The following ZDHHC11B variants were observed in gnomAD, a reference collection of about 807,000 sequenced individuals.
The protein encoded by ZDHHC11B is probable palmitoyltransferase ZDHHC11B.
ZDHHC11B carries 17 observed loss-of-function variants against 42.3 expected under a neutral mutation model. That is an observed-to-expected ratio of 0.40 (90% CI 0.27 to 0.60). The LOEUF (loss-of-function observed/expected upper bound fraction) is 0.60. ZDHHC11B is among the 20% of genes least tolerant of loss of function. The pLI, the probability that ZDHHC11B is intolerant of heterozygous loss-of-function variation, is 0.41. For synonymous variants in ZDHHC11B, 123 were observed against 193.5 expected, an observed-to-expected ratio of 0.64 and a Z score of 3.02; for missense variants, 262 against 463.2, an observed-to-expected ratio of 0.57 and a Z score of 3.99.
chr5:734,287 A>G (rs1462110774), intron 10 of ZDHHC11B, among the ~76,000 whole-genome samples: 1 of 119,780 alleles, frequency 8.3e-6, no homozygotes, highest in Non-Finnish European at 1.7e-5. Flanking sequence ...AGCCTTTGGA[A>G]GATGCCATAG....
rs1347270192 is a variant in ZDHHC11B, at chr5:734,090, A to C, written c.936-251T>G. On this transcript the variant is annotated intron_variant, in intron 10 of 13. Coordinates refer to ENST00000508859, the MANE Select transcript of ZDHHC11B (RefSeq NM_001351303.2). ...TGGGACAATGCAAAGCAGTCCCTCCACCCACCGTGTGAGACTTGCCCTACA... is the reference window on the plus strand; with the variant it reads ...TGGGACAATGCAAAGCAGTCCCTCCCCCCACCGTGTGAGACTTGCCCTACA... 2.8e-5 allele frequency among the ~76,000 whole-genome samples: 4 copies of C among 142,288 alleles called. 1 individual carries two copies. The highest frequency in any genetic ancestry group is 2.8e-4 in the Admixed American group (4 of 14,350). The allele number at this position is 142,288 out of a possible 152,430, so 93.3% of individuals were successfully genotyped here. A position where few individuals can be genotyped will look rare whatever the true frequency, so the allele number is the denominator to read the frequency against.
In ZDHHC11B at chr5:715,672, C is replaced by T. The variant is rs1384775077; in HGVS notation, c.*7+1129G>A. 1.3e-3 allele frequency among the ~76,000 whole-genome samples: 200 copies of T among 151,802 alleles called. 5 individuals are homozygous for T. Among genetic ancestry groups the T allele is most frequent in the African/African-American group, 4.7e-3 (194 of 41,230 alleles). ...GACCCCGTGCTATGCATCTCAAACG[C>T]CTTTTTTCTAGAGAACAATTTTCAC... is the stretch of plus-strand genomic sequence containing the variant. On this transcript the variant is annotated intron_variant, in intron 13 of 13. Coordinates refer to ENST00000508859, the MANE Select transcript of ZDHHC11B (RefSeq NM_001351303.2).
Position 710,598 on chromosome 5 carries a change from G to GCGC in ZDHHC11B, c.*1691_*1692insGCG, listed in dbSNP as rs2126929386. 1 of 155,086 alleles carries GCGC rather than the reference G, an allele frequency of 6.4e-6. No individual in the cohort carries two copies. Among genetic ancestry groups the GCGC allele is most frequent in the Non-Finnish European group, 1.5e-5 (1 of 68,480 alleles). The allele number at this position is 155,086 out of a possible 1,614,324, so 9.6% of individuals were successfully genotyped here. On this transcript the variant is annotated 3_prime_UTR_variant, in exon 14 of 14. Coordinates refer to ENST00000508859, the MANE Select transcript of ZDHHC11B (RefSeq NM_001351303.2). Reference sequence around the variant, plus strand: ...CTGTGCTCCCATTTCACAGTACTGTGTGCTCCCATTTCTCAGTACTGGGCT... The same window carrying GCGC: ...CTGTGCTCCCATTTCACAGTACTGTGCGCTGCTCCCATTTCTCAGTACTGGGCT...
intron 1 of ZDHHC11B, among the ~76,000 whole-genome samples, chr5:775,199 A>G (rs1203602280): frequency 3.3e-5 from 5 of 151,956 alleles, no homozygotes; most frequent in Non-Finnish European, 7.4e-5. Context: ...GGGCTGGACC[A>G]GGCCAGGGCG....
intron 4 of ZDHHC11B, among the ~76,000 whole-genome samples, chr5:763,785 T>C (rs1416274658): frequency 6.6e-6 from 1 of 151,894 alleles, no homozygotes; most frequent in Admixed American, 6.6e-5. Flanking sequence ...TTAAGTGAGA[T>C]AAAGCATGGT....
At chr5:754,614 C>CATCCTT (rs1746353664) in intron 6 of ZDHHC11B, among the ~76,000 whole-genome samples, 1 of 124,208 alleles carries the variant, frequency 8.1e-6, no homozygotes, top group Non-Finnish European at 1.8e-5. Context: ...AAACACCTCT[C>CATCCTT]GTCCATCTGC....
intron 6 of ZDHHC11B, among the ~76,000 whole-genome samples, chr5:754,047 G>A (rs374532174): frequency 0.011 from 340 of 31,400 alleles, 10 homozygotes; most frequent in African/African-American, 0.065. Flanking sequence ...AGCCTCCACC[G>A]TGCTCAGGGG....
intron 12 of ZDHHC11B, 100 bp downstream of exon 12, chr5:730,334 T>C (rs1238674517): frequency 2.2e-6 from 3 of 1,369,310 alleles, no homozygotes; most frequent in East Asian, 2.7e-5. Context: ...GTCATCAGAA[T>C]ATTTGAACAT....
intron 1 of ZDHHC11B, among the ~76,000 whole-genome samples, chr5:784,064 G>A (rs1737073729): frequency 6.6e-6 from 1 of 151,534 alleles, no homozygotes; most frequent in African/African-American, 2.4e-5. Flanking sequence ...ACAGGCCCGC[G>A]GACAGTAGCC....
At chr5:734,131 G>A (rs1743326888) in intron 10 of ZDHHC11B, among the ~76,000 whole-genome samples, 1 of 141,526 alleles carries the variant, frequency 7.1e-6, no homozygotes, top group African/African-American at 2.8e-5. Context: ...GCCTAAGACG[G>A]GTTCTGAAGA....
At chr5:740,092 A>T (rs1171011674) in intron 10 of ZDHHC11B, among the ~76,000 whole-genome samples, 1 of 140,958 alleles carries the variant, frequency 7.1e-6, no homozygotes, top group Non-Finnish European at 1.6e-5. Flanking sequence ...ATGCAAAGAC[A>T]TAAGAATGAT....
intron 8 of ZDHHC11B, among the ~76,000 whole-genome samples, chr5:746,297 G>A (rs544439625): frequency 4.1e-5 from 6 of 146,866 alleles, no homozygotes; most frequent in African/African-American, 1.5e-4. Context: ...GCACCCTGGG[G>A]AGCTGCCTGT....
chr5:766,196 G>A lies in ZDHHC11B; in HGVS notation c.222+502C>T, dbSNP rs189932034. ...TGGAAGATGATGGGAGCAGACATGA[G>A]TCCCCGCCTGATGGGAGGTGAGAGC... is the stretch of plus-strand genomic sequence containing the variant. On this transcript the variant is annotated intron_variant, in intron 4 of 13. Coordinates refer to ENST00000508859, the MANE Select transcript of ZDHHC11B (RefSeq NM_001351303.2). Among the ~76,000 whole-genome samples the A allele has an allele frequency of 2.0e-3, 310 of 151,826 alleles. 4 individuals carry two copies. Among genetic ancestry groups the A allele is most frequent in the Middle Eastern group, 0.02 (6 of 294 alleles).
intron 12 of ZDHHC11B, among the ~76,000 whole-genome samples, chr5:721,647 A>G (rs371459): frequency 9.9e-5 from 15 of 151,770 alleles, no homozygotes; most frequent in South Asian, 4.2e-4. Context: ...CACAGCAAGC[A>G]GCTAGCCTCT....
rs577103025 is a variant in ZDHHC11B, at chr5:719,765, C to G, written c.1059-2900G>C. The stretch of plus-strand genomic sequence containing the variant: ...AAGAGGCAGAAAAAATACAGTGTTC[C>G]CCCATTATCAGCAGTTGTGTTTTCT... On this transcript the variant is annotated intron_variant, in intron 12 of 13. Transcript: ENST00000508859. Among the ~76,000 whole-genome samples the G allele has an allele frequency of 6.0e-4, 91 of 151,786 alleles. 3 individuals are homozygous for G. Among genetic ancestry groups the G allele is most frequent in the African/African-American group, 1.6e-3 (67 of 41,250 alleles).
chr5:775,421 C>G (rs1736393144), intron 1 of ZDHHC11B, among the ~76,000 whole-genome samples: 1 of 152,002 alleles, frequency 6.6e-6, no homozygotes, highest in Non-Finnish European at 1.5e-5. Flanking sequence ...GAACCTGTCT[C>G]TGCGGAGAAA....
intron 1 of ZDHHC11B, among the ~76,000 whole-genome samples, chr5:772,005 G>A (rs1579450008): frequency 1.3e-5 from 2 of 151,878 alleles, no homozygotes; most frequent in East Asian, 1.9e-4. Context: ...GATAAGCTTG[G>A]AGGTTGGCCT....
rs766719970 is a variant in ZDHHC11B, at chr5:759,892, A to G, written c.223-3748T>C. On this transcript the variant is annotated intron_variant, in intron 4 of 13. Transcript: ENST00000508859. ...GCACAGGCACCCTCCAGCCGCCACA[A>G]TGCAAAGCCACATGCTGCTGGCCAA... Among the ~76,000 whole-genome samples, 8 of 151,852 alleles carry G rather than the reference A, an allele frequency of 5.3e-5. 1 individual carries two copies. Among genetic ancestry groups the G allele is most frequent in the African/African-American group, 1.9e-4 (8 of 41,350 alleles).
intron 4 of ZDHHC11B, among the ~76,000 whole-genome samples, chr5:761,123 T>G (rs1734555244): frequency 6.6e-6 from 1 of 151,864 alleles, no homozygotes; most frequent in Non-Finnish European, 1.5e-5. Context: ...CAAGCACATC[T>G]GGGGGCTGTT....
Sources: gnomAD v4.1 joint callset for allele counts (sites outside exome capture counted in the v4.1 genomes callset) on GRCh38, gnomAD v4.1.1 for gene constraint, MANE v1.5 for transcripts, NCBI Gene and HGNC (gene_info 2026-07-23, HGNC 2026-07-21) for gene names.